Variants in HMG20A observed in about 807,000 individuals in gnomAD.
The protein encoded by HMG20A is high mobility group protein 20A.
A neutral mutation model predicts 43.9 loss-of-function variants in HMG20A; 17 were observed. That is an observed-to-expected ratio of 0.39 (90% CI 0.27 to 0.58). The LOEUF (loss-of-function observed/expected upper bound fraction) is 0.58, where lower values mean the gene tolerates loss of function less well. HMG20A is among the 20% of genes least tolerant of loss of function. The pLI is 0.59. For missense variants in HMG20A, 341 were observed against 438.2 expected (o/e 0.78, Z 1.98); for synonymous variants, 132 against 147.5 (o/e 0.89, Z 0.76).
the HMG20A span, among the ~76,000 whole-genome samples, chr15:77,514,035 T>C: frequency 6.6e-6 from 1 of 152,204 alleles, no homozygotes; most frequent in Non-Finnish European, 1.5e-5. Flanking sequence ...TTTTTCCTAC[T>C]GTCTACATAA....
Position 77,463,209 on chromosome 15 carries a change from G to A in HMG20A, c.90-1031G>A, listed in dbSNP as rs117551874. On this transcript the variant is annotated intron_variant, in intron 2 of 9. Transcript: ENST00000336216. ...TACCAAGTTCTTTCTATCTGGAATC[G>A]TGTTGTTTACCTTGATGAATACGTA... is the stretch of plus-strand genomic sequence containing the variant. Among the ~76,000 whole-genome samples the A allele has an allele frequency of 5.0e-3, 761 of 152,174 alleles. 3 individuals are homozygous for A. The highest frequency in any genetic ancestry group is 7.2e-3 in the Non-Finnish European group (492 of 68,002).
rs2072810761 is a variant in HMG20A at position 77,471,746 on chromosome 15, T to G, written c.584-37T>G. 4.1e-6 allele frequency: 6 copies of G among 1,468,788 alleles called. No homozygotes were observed. The Admixed American group carries it at 1.1e-4, about 26-fold the overall frequency. 91.0% of individuals were successfully genotyped at this position (1,468,788 alleles called of 1,614,324 possible). Reference sequence around the variant, plus strand: ...CTTGGGTTTTGTTATTGCTTTCTTTTTAAATGTAATGTTCTCTTATTCTTT... The same window carrying G: ...CTTGGGTTTTGTTATTGCTTTCTTTGTAAATGTAATGTTCTCTTATTCTTT... On this transcript the variant is annotated intron_variant, in intron 5 of 9. Coordinates refer to ENST00000336216, the MANE Select transcript of HMG20A (RefSeq NM_001304504.2).
intron 1 of HMG20A, among the ~76,000 whole-genome samples, chr15:77,438,289 T>A (rs2073572235): frequency 6.6e-6 from 1 of 151,722 alleles, no homozygotes; most frequent in Non-Finnish European, 1.5e-5. Context: ...AAACTGCAAT[T>A]TTAAAAAAAT....
chr15:77,519,210 G>A, the HMG20A span, among the ~76,000 whole-genome samples: 70 of 152,274 alleles, frequency 4.6e-4, no homozygotes, highest in African/African-American at 1.6e-3. Context: ...AAAGATCCAG[G>A]GTAGAAGTAG....
intron 9 of HMG20A, among the ~76,000 whole-genome samples, chr15:77,480,883 G>A (rs1013376306): frequency 6.6e-6 from 1 of 151,994 alleles, no homozygotes; most frequent in African/African-American, 2.4e-5. Context: ...TATTGGTTAA[G>A]TTATTCCATA....
At chr15:77,446,291 C>G (rs1240967209) in intron 1 of HMG20A, among the ~76,000 whole-genome samples, 1 of 151,978 alleles carries the variant, frequency 6.6e-6, no homozygotes, top group Non-Finnish European at 1.5e-5. Flanking sequence ...TACCCTTTTT[C>G]CACGTCCCCT....
chr15:77,514,524 T>G, the HMG20A span, among the ~76,000 whole-genome samples: 12 of 152,332 alleles, frequency 7.9e-5, no homozygotes, highest in Admixed American at 7.2e-4. Flanking sequence ...CTATAAAAGT[T>G]ACACCTCCTG....
the HMG20A span, among the ~76,000 whole-genome samples, chr15:77,517,676 G>A: frequency 9.9e-5 from 15 of 151,714 alleles, no homozygotes; most frequent in Non-Finnish European, 1.8e-4. Flanking sequence ...ACATCCAGTC[G>A]GGGAGATCAC....
At chr15:77,426,420 TAGAG>T (rs917673326) in intron 1 of HMG20A, among the ~76,000 whole-genome samples, 25 of 152,154 alleles carry the variant, frequency 1.6e-4, no homozygotes, top group African/African-American at 5.8e-4. Flanking sequence ...TACAATAAGC[TAGAG>T]AAAGAAAATG....
the HMG20A span, among the ~76,000 whole-genome samples, chr15:77,504,868 T>C: frequency 2.6e-5 from 4 of 152,210 alleles, no homozygotes; most frequent in African/African-American, 9.7e-5. Context: ...TACAGTACTC[T>C]GAGGCTCCAT....
intron 9 of HMG20A, chr15:77,482,651 T>C (rs1038561956): frequency 2.6e-5 from 4 of 152,202 alleles, no homozygotes; most frequent in Admixed American, 6.6e-5. Context: ...AGGGTACTCA[T>C]TTTCCCTCCT....
intron 1 of HMG20A, among the ~76,000 whole-genome samples, chr15:77,424,977 G>A (rs1254249280): frequency 6.6e-6 from 1 of 151,924 alleles, no homozygotes; most frequent in Non-Finnish European, 1.5e-5. Flanking sequence ...AATCTGTACT[G>A]CACCCAGCAT....
At chr15:77,502,877 G>A in the HMG20A span, among the ~76,000 whole-genome samples, 1 of 152,124 alleles carries the variant, frequency 6.6e-6, no homozygotes, top group Non-Finnish European at 1.5e-5. Context: ...AGCTGAGGTG[G>A]GAGGATCATT....
chr15:77,474,778 A>G (rs917066272), intron 6 of HMG20A, among the ~76,000 whole-genome samples: 12 of 152,202 alleles, frequency 7.9e-5, no homozygotes, highest in Non-Finnish European at 1.5e-4. Context: ...CACAATGTTA[A>G]GAGCATTTCC....
At chr15:77,440,556 A>G (rs113805173) in intron 1 of HMG20A, among the ~76,000 whole-genome samples, 2,289 of 152,248 alleles carry the variant, frequency 0.015, 58 homozygotes, top group African/African-American at 0.052. Context: ...TTTCTCACTT[A>G]TGCTATTTGT....
intron 1 of HMG20A, among the ~76,000 whole-genome samples, chr15:77,422,303 C>T (rs974089500): frequency 1.1e-4 from 17 of 152,144 alleles, no homozygotes; most frequent in Admixed American, 4.6e-4. Context: ...TAGCCTCAGA[C>T]TCTGCGATTA....
At chr15:77,471,752 G>T (rs771623443) in intron 5 of HMG20A, 31 bp from the exon 6 acceptor site, 24 of 1,500,008 alleles carry the variant, frequency 1.6e-5, no homozygotes, top group Non-Finnish European at 1.9e-5. Flanking sequence ...CTTTTTAAAT[G>T]TAATGTTCTC....
At chr15:77,507,509 A>G in the HMG20A span, among the ~76,000 whole-genome samples, 4,843 of 152,278 alleles carry the variant, frequency 0.032, 113 homozygotes, top group Non-Finnish European at 0.047. Flanking sequence ...TTAGGGAGAA[A>G]TCTAAGTGGG....
the HMG20A span, among the ~76,000 whole-genome samples, chr15:77,507,258 G>A: frequency 2.0e-5 from 3 of 152,124 alleles, no homozygotes; most frequent in Admixed American, 2.0e-4. Context: ...TGTTGGTTCT[G>A]TTTCCCTGGA....
Sources: gnomAD v4.1 joint callset for allele counts (sites outside exome capture counted in the v4.1 genomes callset) on GRCh38, gnomAD v4.1.1 for gene constraint, MANE v1.5 for transcripts, NCBI Gene and HGNC (gene_info 2026-07-23, HGNC 2026-07-21) for gene names.